The following ZBTB7C variants were observed in gnomAD, a reference collection of about 807,000 sequenced individuals.
ZBTB7C encodes zinc finger and BTB domain-containing protein 7C.
In ZBTB7C, 8 loss-of-function variants were observed where a neutral mutation model predicts 25.7. That is an observed-to-expected ratio of 0.31 (90% CI 0.18 to 0.56). The LOEUF (loss-of-function observed/expected upper bound fraction) is 0.56. Ranked by LOEUF, ZBTB7C falls within the 20% of genes least tolerant of loss-of-function variation. The pLI is 0.91. For synonymous variants in ZBTB7C, 394 were observed against 369.0 expected, an observed-to-expected ratio of 1.07 and a Z score of -0.78; for missense variants, 824 against 855.2, an observed-to-expected ratio of 0.96 and a Z score of 0.46.
At chr18:48,190,924 C>T (rs1025596238) in intron 2 of ZBTB7C, among the ~76,000 whole-genome samples, 1 of 152,208 alleles carries the variant, frequency 6.6e-6, no homozygotes, top group Non-Finnish European at 1.5e-5. Context: ...CACTTATAAT[C>T]GGCATGTGAC....
chr18:48,089,250 C>T (rs1218136061), intron 3 of ZBTB7C, among the ~76,000 whole-genome samples: 2 of 151,974 alleles, frequency 1.3e-5, no homozygotes, highest in Admixed American at 6.6e-5. Flanking sequence ...GGGTGGATCA[C>T]TTGAGGTCAG....
intron 3 of ZBTB7C, among the ~76,000 whole-genome samples, chr18:48,053,273 T>A (rs1396300043): frequency 6.6e-6 from 1 of 152,156 alleles, no homozygotes; most frequent in Non-Finnish European, 1.5e-5. Context: ...TGTGCACAGA[T>A]TCATTACAGA....
intron 1 of ZBTB7C, among the ~76,000 whole-genome samples, chr18:48,398,214 A>G (rs2048072329): frequency 6.6e-6 from 1 of 152,242 alleles, no homozygotes. Context: ...CAGGTCAGGC[A>G]GGCAAAGCCT....
intron 3 of ZBTB7C, among the ~76,000 whole-genome samples, chr18:48,151,555 T>A (rs920982103): frequency 6.6e-6 from 1 of 152,160 alleles, no homozygotes; most frequent in African/African-American, 2.4e-5. Context: ...GGCTGGATTG[T>A]CGAAGCGACC....
chr18:48,374,121 C>T (rs973778562), intron 1 of ZBTB7C: 1 of 152,364 alleles, frequency 6.6e-6, no homozygotes, highest in Admixed American at 6.5e-5. Flanking sequence ...GCTTCCTGTA[C>T]AGCCTGAAGA....
chr18:48,093,621 A>AC (rs374454294), intron 3 of ZBTB7C, among the ~76,000 whole-genome samples: 28 of 152,060 alleles, frequency 1.8e-4, no homozygotes, highest in African/African-American at 6.7e-4. Context: ...AAAAAAACAA[A>AC]AAAAACACAC....
chr18:48,401,741 T>A (rs1238447180), intron 1 of ZBTB7C, among the ~76,000 whole-genome samples: 1 of 152,128 alleles, frequency 6.6e-6, no homozygotes, highest in African/African-American at 2.4e-5. Flanking sequence ...GGTCCCAGTC[T>A]TGACTCTGTG....
chr18:48,216,122 G>A (rs1034995019), intron 2 of ZBTB7C, among the ~76,000 whole-genome samples: 1 of 152,206 alleles, frequency 6.6e-6, no homozygotes, highest in Admixed American at 6.5e-5. Context: ...CCTTGGCTGA[G>A]AGGAGGAGTC....
intron 1 of ZBTB7C, among the ~76,000 whole-genome samples, chr18:48,361,304 C>T (rs891673499): frequency 6.6e-6 from 1 of 152,126 alleles, no homozygotes; most frequent in African/African-American, 2.4e-5. Context: ...TCACAATGAT[C>T]CTATAAGACA....
chr18:48,040,622 CTCCTCCTCT>C lies in ZBTB7C; in HGVS notation c.477_485del (p.Glu160_Glu162del), dbSNP rs144782793. ...AGTCCTCCGTGTCATCATCGTCATC[CTCCTCCTCT>C]TCCTCCTCCTCCTCTTCGTCCTCCT... On this transcript the variant is annotated inframe_deletion, in exon 4 of 5. Coordinates refer to ENST00000590800, the MANE Select transcript of ZBTB7C (RefSeq NM_001318841.2). 6.5e-4 allele frequency: 1,044 copies of C among 1,613,160 alleles called. 20 individuals are homozygous for C. The East Asian group carries it at 0.023, about 36-fold the overall frequency.
rs2036241597 is a variant in ZBTB7C at position 48,041,560 on chromosome 18, T to G, written c.-16-437A>C. The G allele has an allele frequency of 3.0e-6, 3 of 984,716 alleles. No homozygotes were observed. In the South Asian group the frequency reaches 1.4e-4, roughly 46 times the overall value. The allele number at this position is 984,716 out of a possible 1,614,324, so 61.0% of individuals were successfully genotyped here. ...CTTCTGCTGAGAAGATGCTCTGATTTGTCTCACAAATCCTCTGATTCTGTA... is the reference window on the plus strand; with the variant it reads ...CTTCTGCTGAGAAGATGCTCTGATTGGTCTCACAAATCCTCTGATTCTGTA... On this transcript the variant is annotated intron_variant, in intron 3 of 4. Transcript: ENST00000590800.
chr18:48,106,004 C>T (rs772910628), intron 3 of ZBTB7C, among the ~76,000 whole-genome samples: 2 of 152,252 alleles, frequency 1.3e-5, no homozygotes, highest in Non-Finnish European at 2.9e-5. Flanking sequence ...CCTGATAACA[C>T]GTCCTATGAC....
intron 2 of ZBTB7C, among the ~76,000 whole-genome samples, chr18:48,302,777 G>C (rs1415987472): frequency 2.0e-5 from 3 of 152,156 alleles, no homozygotes; most frequent in Non-Finnish European, 2.9e-5. Context: ...TGGCAGCTAA[G>C]CAAGTCCTGG....
intron 2 of ZBTB7C, among the ~76,000 whole-genome samples, chr18:48,205,491 C>G (rs1039905894): frequency 6.6e-6 from 1 of 151,772 alleles, no homozygotes; most frequent in African/African-American, 2.4e-5. Context: ...CTATTTTCTG[C>G]AGGAAGGAAA....
intron 1 of ZBTB7C, among the ~76,000 whole-genome samples, chr18:48,339,029 A>C (rs2046529170): frequency 6.6e-6 from 1 of 152,196 alleles, no homozygotes; most frequent in Non-Finnish European, 1.5e-5. Flanking sequence ...TGAGATGAGG[A>C]ACAGAGACAC....
Position 48,180,681 on chromosome 18 carries a change from A to G in ZBTB7C, c.-17+5253T>C, listed in dbSNP as rs948743571. ...GTTCTACAGTGTATATACAGCTAGC[A>G]ACACTTTTACGGGATCCATGGCAAG... On this transcript the variant is annotated intron_variant, in intron 3 of 4. Transcript: ENST00000590800. Among the ~76,000 whole-genome samples, 7 of 152,202 alleles carry G rather than the reference A, an allele frequency of 4.6e-5. No homozygotes were observed. In the South Asian group the frequency reaches 1.4e-3, roughly 32 times the overall value.
intron 3 of ZBTB7C, among the ~76,000 whole-genome samples, chr18:48,063,735 G>T (rs938788641): frequency 2.0e-5 from 3 of 152,216 alleles, no homozygotes; most frequent in Non-Finnish European, 4.4e-5. Context: ...ATGGGGCTAT[G>T]GGGATTATGT....
chr18:48,220,532 C>G (rs149001564), intron 2 of ZBTB7C, among the ~76,000 whole-genome samples: 172 of 152,218 alleles, frequency 1.1e-3, no homozygotes, highest in African/African-American at 4.0e-3. Flanking sequence ...GGCCACAGAC[C>G]ATGGAGCTCA....
chr18:48,351,024 T>C (rs2046851481), intron 1 of ZBTB7C, among the ~76,000 whole-genome samples: 1 of 151,872 alleles, frequency 6.6e-6, no homozygotes, highest in Non-Finnish European at 1.5e-5. Flanking sequence ...ATTTCCTGTA[T>C]GTGCCTGGAT....
Sources: allele counts gnomAD v4.1 joint callset (sites outside exome capture counted in the v4.1 genomes callset), GRCh38; gene constraint gnomAD v4.1.1; transcripts MANE v1.5; gene names NCBI Gene and HGNC (gene_info 2026-07-23, HGNC 2026-07-21).